KRABD3: variants seen among roughly 807,000 people sequenced by gnomAD.
KRABD3 encodes KRAB domain containing 3.
At chr7:149,724,786 A>C in the KRABD3 span, 3 of 1,591,814 alleles carry the variant, frequency 1.9e-6, no homozygotes, top group Non-Finnish European at 1.7e-6. Context: ...GCAGCCCCTC[A>C]GTCCCTCAGC....
At chr7:149,725,223 T>A in the KRABD3 span, 5 of 1,320,036 alleles carry the variant, frequency 3.8e-6, no homozygotes, top group Non-Finnish European at 1.0e-6. Context: ...GTCACCCCTG[T>A]AGAAAGCACG....
the KRABD3 span, chr7:149,729,244 C>T: frequency 6.2e-7 from 1 of 1,600,452 alleles, no homozygotes; most frequent in Non-Finnish European, 8.5e-7. Context: ...GGGAGAAGCG[C>T]CCACCCGGAG....
At chr7:149,728,537 A>G in the KRABD3 span, 2 of 1,613,380 alleles carry the variant, frequency 1.2e-6, no homozygotes, top group Non-Finnish European at 1.7e-6. Flanking sequence ...CCCACCAGGA[A>G]GCTCCCCACT....
At chr7:149,721,555 G>A in the KRABD3 span, 23 of 1,608,496 alleles carry the variant, frequency 1.4e-5, no homozygotes, top group South Asian at 1.2e-4. Context: ...ACACAGCAGG[G>A]ACAGGGAGAA....
chr7:149,723,615 TG>T, the KRABD3 span: 2 of 968,110 alleles, frequency 2.1e-6, no homozygotes, highest in Non-Finnish European at 3.0e-6. Flanking sequence ...AGCGAGCCAC[TG>T]GAAGAGCCTC....
the KRABD3 span, chr7:149,733,058 G>A: frequency 2.8e-5 from 25 of 904,212 alleles, 1 homozygote; most frequent in South Asian, 2.4e-4. Context: ...TGGCATCTGC[G>A]TTCTCAGGCC....
At chr7:149,722,549 G>A in the KRABD3 span, 4 of 1,560,590 alleles carry the variant, frequency 2.6e-6, no homozygotes, top group Non-Finnish European at 3.5e-6. Context: ...GGACCTCAGA[G>A]GCCGGTGAGA....
chr7:149,730,369 C>A, the KRABD3 span: 2 of 1,548,556 alleles, frequency 1.3e-6, no homozygotes, highest in South Asian at 1.2e-5. Context: ...GGGAGGATAG[C>A]GGGATGTGTG....
chr7:149,715,162 G>T, the KRABD3 span: 2 of 1,226,790 alleles, frequency 1.6e-6, no homozygotes, highest in East Asian at 3.2e-5. Context: ...TTCGGGATCG[G>T]CTGGGTGAGG....
the KRABD3 span, chr7:149,721,503 G>T: frequency 2.3e-3 from 3,739 of 1,612,488 alleles, 78 homozygotes; most frequent in African/African-American, 0.042. Context: ...GGCCCAACTG[G>T]TGACGGGGTC....
chr7:149,729,522 T>G, the KRABD3 span: 1 of 985,344 alleles, frequency 1.0e-6, no homozygotes, highest in Non-Finnish European at 1.2e-6. Flanking sequence ...AAACTGAGGT[T>G]CGCTAAACAA....
the KRABD3 span, chr7:149,721,771 G>C: frequency 1.5e-5 from 10 of 675,084 alleles, no homozygotes; most frequent in African/African-American, 1.4e-4. Flanking sequence ...ATCCCGCCCC[G>C]ATCACTGAGC....
At chr7:149,724,658 G>A in the KRABD3 span, 4 of 1,531,380 alleles carry the variant, frequency 2.6e-6, no homozygotes, top group South Asian at 3.7e-5. Flanking sequence ...GCAGGGCCTG[G>A]ATACCTCCTG....
the KRABD3 span, chr7:149,731,890 G>A: frequency 1.5e-6 from 1 of 679,538 alleles, no homozygotes; most frequent in South Asian, 1.8e-5. Flanking sequence ...AGTCTCACCT[G>A]TAATGCACTT....
At chr7:149,725,300 T>C in the KRABD3 span, 2 of 1,561,698 alleles carry the variant, frequency 1.3e-6, no homozygotes, top group Non-Finnish European at 1.7e-6. Flanking sequence ...AACAGGGTGC[T>C]CTCTCCTGTT....
At chr7:149,730,123 A>G in the KRABD3 span, 3 of 1,471,096 alleles carry the variant, frequency 2.0e-6, no homozygotes, top group Non-Finnish European at 2.7e-6. Flanking sequence ...CTGATGACAG[A>G]GCACTCTCTG....
the KRABD3 span, chr7:149,729,222 CG>C: frequency 6.3e-7 from 1 of 1,580,904 alleles, no homozygotes; most frequent in African/African-American, 1.4e-5. Flanking sequence ...CAGCCCGTCT[CG>C]GGCAGGGTAG....
the KRABD3 span, chr7:149,730,404 T>G: frequency 6.4e-7 from 1 of 1,572,766 alleles, no homozygotes; most frequent in Non-Finnish European, 8.6e-7. Flanking sequence ...ACCACTCTGA[T>G]GCCAGCTTTG....
chr7:149,733,660 ACT>A, the KRABD3 span: 1 of 1,588,228 alleles, frequency 6.3e-7, no homozygotes, highest in Non-Finnish European at 8.6e-7. Context: ...ACCTGCAAGG[ACT>A]CTCCAGAGGG....
Sources: allele counts gnomAD v4.1 joint callset, GRCh38; gene constraint gnomAD v4.1.1; transcripts MANE v1.5; gene names NCBI Gene and HGNC (gene_info 2026-07-23, HGNC 2026-07-21).